The following MTCL1 variants were observed in gnomAD, a reference collection of about 807,000 sequenced individuals.
MTCL1 encodes microtubule cross-linking factor 1.
In MTCL1, 79 loss-of-function variants were observed where a neutral mutation model predicts 141.4. The ratio of observed to expected loss-of-function variants is 0.56; its 90% CI spans 0.47 to 0.67. MTCL1 has a LOEUF of 0.67. MTCL1 is among the 30% of genes least tolerant of loss of function. MTCL1 has a pLI of 0.00. For missense variants in MTCL1, 2,177 were observed against 2,113.9 expected (o/e 1.03, Z -0.59); for synonymous variants, 914 against 875.8 (o/e 1.04, Z -0.77).
intron 4 of MTCL1, among the ~76,000 whole-genome samples, chr18:8,766,625 G>C (rs3810047): frequency 0.016 from 2,456 of 152,326 alleles, 39 homozygotes; most frequent in South Asian, 0.056. Flanking sequence ...GTTCATTCCA[G>C]ACAGCACCAG....
intron 2 of MTCL1, among the ~76,000 whole-genome samples, 181 bp from the exon 2 acceptor site, chr18:8,718,243 A>G (rs2096142983): frequency 6.6e-6 from 1 of 152,194 alleles, no homozygotes; most frequent in African/African-American, 2.4e-5. Context: ...ATACTCAATT[A>G]TATTATCTCA....
At chr18:8,738,851 G>A (rs693405) in intron 4 of MTCL1, among the ~76,000 whole-genome samples, 68,424 of 152,004 alleles carry the variant, frequency 0.45, 16,017 homozygotes, top group Admixed American at 0.58. Context: ...GGCAGCCAGT[G>A]CTATGTTGAA....
chr18:8,792,632 G>C (rs575332092), intron 7 of MTCL1, among the ~76,000 whole-genome samples: 1 of 152,184 alleles, frequency 6.6e-6, no homozygotes, highest in South Asian at 2.1e-4. Flanking sequence ...TGCTTGCCTC[G>C]GTCATAGTCG....
Position 8,821,501 on chromosome 18 carries a change from A to G in MTCL1, c.3188+3A>G. 7.3e-7 allele frequency: 1 copy of G among 1,374,088 alleles called. No individual in the cohort carries two copies. Among genetic ancestry groups the G allele is most frequent in the Non-Finnish European group, 1.0e-6 (1 of 978,408 alleles). The allele number at this position is 1,374,088 out of a possible 1,614,324, so 85.1% of individuals were successfully genotyped here. A position where few individuals can be genotyped will look rare whatever the true frequency, so the allele number is the denominator to read the frequency against. ...AATCACAAAGGAAATCTTCAAAGGT[A>G]AGTAAGATTGATGAAAATAATAGAT... On this transcript the variant is annotated splice_donor_region_variant and intron_variant, in intron 14 of 16. Coordinates refer to ENST00000359865, the Ensembl canonical transcript of MTCL1.
chr18:8,749,870 GCTA>G (rs1325513338), intron 4 of MTCL1, among the ~76,000 whole-genome samples: 1 of 152,132 alleles, frequency 6.6e-6, no homozygotes, highest in Non-Finnish European at 1.5e-5. Context: ...TTGGGACCCA[GCTA>G]TAAACTTGTT....
chr18:8,817,323 A>C (rs1176650598), intron 12 of MTCL1, among the ~76,000 whole-genome samples: 1 of 142,386 alleles, frequency 7.0e-6, no homozygotes, highest in Non-Finnish European at 1.5e-5. Context: ...CTGTGTCATC[A>C]TCAGGGAGGT....
exon 17 of MTCL1, chr18:8,831,790 C>G (rs1252243058): frequency 6.5e-7 from 1 of 1,549,986 alleles, no homozygotes; most frequent in Non-Finnish European, 8.7e-7. Context: ...CGAGGAGCAG[C>G]CACACCGAGA....
intron 14 of MTCL1, among the ~76,000 whole-genome samples, 179 bp from the exon 14 acceptor site, chr18:8,824,520 A>G (rs1434194320): frequency 1.3e-5 from 2 of 152,246 alleles, no homozygotes; most frequent in African/African-American, 4.8e-5. Flanking sequence ...CGCAGAGTCC[A>G]ATAAATGCCC....
chr18:8,796,165 C>G, intron 8 of MTCL1, 67 bp from the exon 8 acceptor site: 1 of 1,535,170 alleles, frequency 6.5e-7, no homozygotes, highest in Middle Eastern at 1.7e-4. Flanking sequence ...TGCAGGGACT[C>G]TTGGTTTGGT....
intron 4 of MTCL1, among the ~76,000 whole-genome samples, chr18:8,730,776 A>T (rs2096246119): frequency 6.6e-6 from 1 of 152,172 alleles, no homozygotes; most frequent in African/African-American, 2.4e-5. Context: ...TGTGAACATT[A>T]CTTTGCAGAC....
rs59697088 is a variant in MTCL1, at chr18:8,720,932, C to T, written c.357+436C>T. Reference sequence around the variant, plus strand: ...GTAGCTTTTTTCTCCAGAGTCTTCTCCAGTGAGCTGGAAAGTATGTTATGG... The same window carrying T: ...GTAGCTTTTTTCTCCAGAGTCTTCTTCAGTGAGCTGGAAAGTATGTTATGG... On this transcript the variant is annotated intron_variant, in intron 4 of 16. Coordinates refer to ENST00000359865, the Ensembl canonical transcript of MTCL1. Among the ~76,000 whole-genome samples the T allele has an allele frequency of 7.4e-3, 1,128 of 152,070 alleles. 20 individuals are homozygous for T. The highest frequency in any genetic ancestry group is 0.026 in the African/African-American group (1,062 of 41,536).
chr18:8,816,206 A>C (rs2076649897), intron 12 of MTCL1, among the ~76,000 whole-genome samples: 1 of 152,252 alleles, frequency 6.6e-6, no homozygotes, highest in Non-Finnish European at 1.5e-5. Flanking sequence ...CTCCGTAGAT[A>C]AATGAGAGAT....
rs536876833 is a variant in MTCL1, at chr18:8,795,304, TAA to T, written c.2011-927_2011-926del. 9.2e-5 allele frequency among the ~76,000 whole-genome samples: 14 copies of T among 152,270 alleles called. No individual in the cohort carries two copies. In the East Asian group the frequency reaches 2.5e-3, roughly 27 times the overall value. The stretch of plus-strand genomic sequence containing the variant: ...CAAATCCCTTACTTGGTTTTTGGCA[TAA>T]GAGAGAGTGTTAAGAGAGGACAGCT... On this transcript the variant is annotated intron_variant, in intron 8 of 16. Transcript: ENST00000359865.
chr18:8,792,244 G>A (rs1425298596), intron 7 of MTCL1, among the ~76,000 whole-genome samples: 3 of 152,224 alleles, frequency 2.0e-5, no homozygotes, highest in African/African-American at 4.8e-5. Context: ...TAGCATAAGA[G>A]TGTTTCCATC....
intron 4 of MTCL1, among the ~76,000 whole-genome samples, chr18:8,749,233 C>T (rs2096357725): frequency 6.6e-6 from 1 of 152,198 alleles, no homozygotes; most frequent in South Asian, 2.1e-4. Flanking sequence ...TGCTGTGGCA[C>T]CCCCAAATGC....
At chr18:8,776,086 TACAGG>T (rs2096506929) in intron 4 of MTCL1, among the ~76,000 whole-genome samples, 1 of 152,204 alleles carries the variant, frequency 6.6e-6, no homozygotes, top group Admixed American at 6.5e-5. Context: ...ACTCTTCTGA[TACAGG>T]GTGGGCACCC....
exon 6 of MTCL1, chr18:8,784,526 A>G (rs777327170): frequency 1.2e-6 from 2 of 1,604,728 alleles, no homozygotes; most frequent in Non-Finnish European, 1.7e-6. Flanking sequence ...GGAGCGCCTC[A>G]TCACGGACAC....
intron 4 of MTCL1, among the ~76,000 whole-genome samples, chr18:8,755,714 C>T (rs988927829): frequency 3.0e-4 from 45 of 152,176 alleles, no homozygotes; most frequent in African/African-American, 1.1e-3. Context: ...GAATATAGTC[C>T]AATCAAGTCA....
At chr18:8,749,912 T>C (rs1190736338) in intron 4 of MTCL1, among the ~76,000 whole-genome samples, 2 of 152,254 alleles carry the variant, frequency 1.3e-5, no homozygotes, top group Non-Finnish European at 2.9e-5. Flanking sequence ...AAAGCTTTGC[T>C]CTAAGAGTAA....
Sources: allele counts gnomAD v4.1 joint callset (sites outside exome capture counted in the v4.1 genomes callset), GRCh38; gene constraint gnomAD v4.1.1; transcripts MANE v1.5; gene names NCBI Gene and HGNC (gene_info 2026-07-23, HGNC 2026-07-21).